TBCK: variants seen among roughly 807,000 people sequenced by gnomAD.
The protein encoded by TBCK is TBC domain-containing protein kinase-like protein.
In TBCK, 99 loss-of-function variants were observed where a neutral mutation model predicts 113.4. The ratio of observed to expected loss-of-function variants is 0.87; its 90% CI spans 0.74 to 1.03. TBCK has a LOEUF of 1.03. TBCK is among the 50% of genes least tolerant of loss of function. The pLI is 0.00. For missense variants in TBCK, 1,045 were observed against 1,061.3 expected, an observed-to-expected ratio of 0.98 and a Z score of 0.21; for synonymous variants, 369 against 370.8, an observed-to-expected ratio of 1.00 and a Z score of 0.05.
At chr4:106,274,318 T>C (rs1763796740) in intron 3 of TBCK, among the ~76,000 whole-genome samples, 1 of 152,208 alleles carries the variant, frequency 6.6e-6, no homozygotes, top group African/African-American at 2.4e-5. Flanking sequence ...GAATTACCAT[T>C]TGACCTAAAA....
At chr4:106,178,100 G>T (rs1226974586) in intron 22 of TBCK, among the ~76,000 whole-genome samples, 1 of 151,834 alleles carries the variant, frequency 6.6e-6, no homozygotes, top group Non-Finnish European at 1.5e-5. Flanking sequence ...AAGCAGAACT[G>T]CTTCCTTGAT....
chr4:106,053,556 C>T (rs1735054970), intron 25 of TBCK, among the ~76,000 whole-genome samples: 1 of 151,712 alleles, frequency 6.6e-6, no homozygotes, highest in African/African-American at 2.4e-5. Context: ...GCTTAGTCCT[C>T]TGACCTCTTC....
In TBCK at chr4:106,262,898, C is replaced by T. The variant is rs925163771; in HGVS notation, c.267-686G>A. On this transcript the variant is annotated intron_variant, in intron 3 of 25. Coordinates refer to ENST00000394708, the MANE Select transcript of TBCK (RefSeq NM_001163435.3). Reference sequence around the variant, plus strand: ...TACTGTATTTGGGTAAATACTGCTACTTAGCAGTAGTAAGTAGGATTTGGA... The same window carrying T: ...TACTGTATTTGGGTAAATACTGCTATTTAGCAGTAGTAAGTAGGATTTGGA... Among the ~76,000 whole-genome samples, 6 of 151,998 alleles carry T rather than the reference C, an allele frequency of 3.9e-5. 1 individual carries two copies. Among genetic ancestry groups the T allele is most frequent in the Admixed American group, 3.3e-4 (5 of 15,252 alleles).
intron 24 of TBCK, among the ~76,000 whole-genome samples, chr4:106,102,600 G>A (rs989302802): frequency 1.3e-5 from 2 of 151,736 alleles, no homozygotes; most frequent in African/African-American, 4.8e-5. Context: ...AAAAAAAGAC[G>A]AGATGAAATA....
intron 3 of TBCK, among the ~76,000 whole-genome samples, chr4:106,289,794 C>T (rs1156493371): frequency 2.0e-5 from 3 of 148,426 alleles, no homozygotes; most frequent in Non-Finnish European, 4.5e-5. Context: ...AAAAAAAAGA[C>T]GATTGATGTA....
At chr4:106,104,565 C>G (rs1741921762) in intron 24 of TBCK, among the ~76,000 whole-genome samples, 1 of 148,572 alleles carries the variant, frequency 6.7e-6, no homozygotes, top group Admixed American at 6.8e-5. Flanking sequence ...GTACAAGTGC[C>G]TTTAAACCAC....
At chr4:106,144,938 G>A (rs533705986) in intron 23 of TBCK, among the ~76,000 whole-genome samples, 18 of 150,928 alleles carry the variant, frequency 1.2e-4, no homozygotes, top group East Asian at 9.9e-4. Flanking sequence ...CAGGAAAATC[G>A]CTTGAACTGG....
At position 106,251,929 on chromosome 4, in the gene TBCK, T is replaced by C. The variant is rs200574558; in HGVS notation, c.534A>G (p.Pro178=). 6.2e-7 allele frequency: 1 copy of C among 1,611,658 alleles called. No homozygotes were observed. Among genetic ancestry groups the C allele is most frequent in the Non-Finnish European group, 8.5e-7 (1 of 1,178,394 alleles). The change falls in exon 6 of 26, where the codon CCA becomes CCG. Residue 178 remains proline, a synonymous_variant. Transcript: ENST00000394708. ...KTTDHMPSKK[P]LPSGPKSDVW... ...CATCTGATTTGGGGCCAGAAGGCAA[T>C]GGTTTTTTACTTGGCATGTGATCAG...
intron 25 of TBCK, among the ~76,000 whole-genome samples, chr4:106,080,645 G>A (rs1310414276): frequency 2.0e-5 from 3 of 152,092 alleles, no homozygotes; most frequent in African/African-American, 7.2e-5. Context: ...AAAAGCTATT[G>A]CAACAAAAGC....
At chr4:106,209,874 C>G (rs1217111764) in intron 20 of TBCK, among the ~76,000 whole-genome samples, 2 of 151,840 alleles carry the variant, frequency 1.3e-5, no homozygotes, top group African/African-American at 4.8e-5. Flanking sequence ...CTGAAAATCT[C>G]CTTTAATAAG....
chr4:106,303,410 C>T lies in TBCK; in HGVS notation c.193+5358G>A, dbSNP rs146914798. ...ATGCATTTTCATTATTCAGCAAACA[C>T]ATGTGTACATATGTATATACACATA... On this transcript the variant is annotated intron_variant, in intron 2 of 25. Coordinates refer to ENST00000394708, the MANE Select transcript of TBCK (RefSeq NM_001163435.3). 6.6e-3 allele frequency among the ~76,000 whole-genome samples: 1,005 copies of T among 152,206 alleles called. 5 individuals carry two copies. Among genetic ancestry groups the T allele is most frequent in the Non-Finnish European group, 9.7e-3 (663 of 68,024 alleles).
At chr4:106,093,801 C>G (rs2149515490) in intron 25 of TBCK, among the ~76,000 whole-genome samples, 1 of 149,524 alleles carries the variant, frequency 6.7e-6, no homozygotes. Flanking sequence ...TATAACATAC[C>G]TGCACATGTA....
Position 106,116,250 on chromosome 4 carries a change from C to T in TBCK, c.2364G>A (p.Lys788=). 6.2e-7 allele frequency: 1 copy of T among 1,613,986 alleles called. No individual in the cohort carries two copies. Among genetic ancestry groups the T allele is most frequent in the Middle Eastern group, 1.7e-4 (1 of 6,060 alleles). Residue 788 remains lysine (K), a synonymous_variant, in exon 24 of 26, where the codon AAG becomes AAA. Coordinates refer to ENST00000394708, the MANE Select transcript of TBCK (RefSeq NM_001163435.3). ...CCACCAGGAGCTTTGGTTTACTGGA[C>T]TTTGTTTTCTTGCTGGGTGTTTTGA... ...GHFKTPSKKT[K]SSKPKLLVVD... is the part of the protein sequence containing the mutation.
chr4:106,150,993 A>G (rs1271345667), intron 23 of TBCK, among the ~76,000 whole-genome samples: 1 of 152,072 alleles, frequency 6.6e-6, no homozygotes, highest in Admixed American at 6.5e-5. Context: ...CAGTGAAGAA[A>G]GAAAGGTAGG....
intron 3 of TBCK, among the ~76,000 whole-genome samples, chr4:106,264,526 T>C (rs1028823532): frequency 3.3e-5 from 5 of 151,990 alleles, no homozygotes; most frequent in African/African-American, 4.8e-5. Flanking sequence ...TTAGGCCACT[T>C]TAAGACCTTT....
At chr4:106,292,586 G>C (rs958468867) in intron 3 of TBCK, among the ~76,000 whole-genome samples, 19 of 143,382 alleles carry the variant, frequency 1.3e-4, no homozygotes, top group African/African-American at 4.1e-4. Flanking sequence ...AAAAAAAAAA[G>C]TACATGCCCT....
In TBCK at chr4:106,134,031, A is replaced by C. The variant is rs569793432; in HGVS notation, c.2236-17653T>G. On this transcript the variant is annotated intron_variant, in intron 23 of 25. Transcript: ENST00000394708. ...GTCTCAAACAAAAACAAAAACAAAA[A>C]AAAAAACAAAACAAAAAGCCAAAGT... Among the ~76,000 whole-genome samples, 77 of 128,124 alleles carry C rather than the reference A, an allele frequency of 6.0e-4. No homozygotes were observed. In the East Asian group the frequency reaches 0.011, roughly 18 times the overall value. 84.1% of individuals were successfully genotyped at this position (128,124 alleles called of 152,430 possible). A position where few individuals can be genotyped will look rare whatever the true frequency, so the allele number is the denominator to read the frequency against.
At chr4:106,289,602 C>G (rs916234263) in intron 3 of TBCK, among the ~76,000 whole-genome samples, 1 of 151,770 alleles carries the variant, frequency 6.6e-6, no homozygotes, top group Non-Finnish European at 1.5e-5. Context: ...AACCCCATCT[C>G]TACTAAAAAT....
intron 23 of TBCK, among the ~76,000 whole-genome samples, chr4:106,142,290 C>T (rs558515897): frequency 1.1e-4 from 16 of 152,068 alleles, no homozygotes; most frequent in Non-Finnish European, 2.2e-4. Flanking sequence ...GTTTGGAGAA[C>T]AAAGGATGAA....
Sources: allele counts gnomAD v4.1 joint callset (sites outside exome capture counted in the v4.1 genomes callset), GRCh38; gene constraint gnomAD v4.1.1; transcripts MANE v1.5; gene names NCBI Gene and HGNC (gene_info 2026-07-23, HGNC 2026-07-21).